PDE7B: variants seen among roughly 807,000 people sequenced by gnomAD.
PDE7B encodes the protein 3',5'-cyclic-AMP phosphodiesterase 7B.
PDE7B carries 29 observed loss-of-function variants against 56.2 expected under a neutral mutation model. The observed-to-expected ratio is 0.52, with a 90% CI of 0.38 to 0.70. The LOEUF (loss-of-function observed/expected upper bound fraction) is 0.70. Among genes scored for constraint, PDE7B ranks in the 30% least tolerant of loss-of-function variants. PDE7B has a pLI of 0.00. For synonymous variants in PDE7B, 197 were observed against 196.9 expected, an observed-to-expected ratio of 1.00 and a Z score of 0.00; for missense variants, 490 against 565.0, an observed-to-expected ratio of 0.87 and a Z score of 1.35.
At chr6:135,864,959 A>G (rs2128185345) in intron 1 of PDE7B, among the ~76,000 whole-genome samples, 1 of 113,062 alleles carries the variant, frequency 8.8e-6, no homozygotes, top group Middle Eastern at 6.8e-3. Context: ...ACCCCACAAC[A>G]GGCCCTGGTG....
Position 136,153,936 on chromosome 6 carries a change from G to A in PDE7B, c.479-139G>A, listed in dbSNP as rs917693681. The A allele has an allele frequency of 2.2e-4, 130 of 591,282 alleles. 1 individual carries two copies. In the East Asian group the frequency reaches 3.3e-3, roughly 15 times the overall value. 36.6% of individuals were successfully genotyped at this position (591,282 alleles called of 1,614,324 possible). A position where few individuals can be genotyped will look rare whatever the true frequency, so the allele number is the denominator to read the frequency against. On this transcript the variant is annotated intron_variant, in intron 6 of 12. Coordinates refer to ENST00000308191, the MANE Select transcript of PDE7B (RefSeq NM_018945.4). ...CAGAACTGCCAAGCTTGCAAACCAC[G>A]TTTATTTTTAAAGCATCTCTATGCT...
chr6:136,108,113 G>A (rs1185274938), intron 2 of PDE7B, among the ~76,000 whole-genome samples: 7 of 106,426 alleles, frequency 6.6e-5, no homozygotes, highest in Non-Finnish European at 1.1e-4. Context: ...GCAACAAAGC[G>A]AGACTCCATG....
chr6:136,172,858 A>G (rs1289296988), intron 8 of PDE7B, among the ~76,000 whole-genome samples: 2 of 152,160 alleles, frequency 1.3e-5, no homozygotes, highest in African/African-American at 2.4e-5. Context: ...ATACACCAAT[A>G]ACAGACAAAC....
chr6:136,110,137 C>G (rs1777717740), intron 3 of PDE7B, among the ~76,000 whole-genome samples: 2 of 152,076 alleles, frequency 1.3e-5, no homozygotes, highest in African/African-American at 4.8e-5. Flanking sequence ...CTTTCAGGGA[C>G]ACAGAGACTT....
intron 2 of PDE7B, among the ~76,000 whole-genome samples, chr6:136,047,070 A>G (rs1161893741): frequency 6.6e-6 from 1 of 152,204 alleles, no homozygotes; most frequent in Admixed American, 6.5e-5. Context: ...CACACTGGTT[A>G]AGTTACTATG....
At position 136,128,253 on chromosome 6, in the gene PDE7B, C is replaced by T. The variant is rs562629986; in HGVS notation, c.167-19098C>T. On this transcript the variant is annotated intron_variant, in intron 3 of 12. Coordinates refer to ENST00000308191, the MANE Select transcript of PDE7B (RefSeq NM_018945.4). ...ACCAGAGTGATGCTTTGACATCATT[C>T]CCCTTAACAGAAAGCTGACAATCAA... Among the ~76,000 whole-genome samples, 273 of 152,262 alleles carry T rather than the reference C, an allele frequency of 1.8e-3. 10 individuals are homozygous for T. The highest frequency in any genetic ancestry group is 1.3e-3 in the Admixed American group (20 of 15,296).
intron 12 of PDE7B, 65 bp from the exon 13 acceptor site, chr6:136,191,549 T>G (rs1779225038): frequency 7.4e-7 from 1 of 1,353,526 alleles, no homozygotes; most frequent in Non-Finnish European, 1.0e-6. Context: ...CCAGTCATGC[T>G]CGGGAGGGAG....
At chr6:136,147,547 A>G (rs776986259) in intron 4 of PDE7B, 45 bp downstream of exon 4, 6 of 1,565,964 alleles carry the variant, frequency 3.8e-6, no homozygotes, top group East Asian at 2.2e-5. Context: ...AGTGGCCAAG[A>G]GCATGTGCCT....
At chr6:135,965,849 A>C (rs1266259786) in intron 2 of PDE7B, among the ~76,000 whole-genome samples, 1 of 152,162 alleles carries the variant, frequency 6.6e-6, no homozygotes, top group Non-Finnish European at 1.5e-5. Context: ...AGGAGTCCTC[A>C]TGAGGACTGT....
At chr6:136,013,472 G>T (rs938940886) in intron 2 of PDE7B, among the ~76,000 whole-genome samples, 2 of 152,184 alleles carry the variant, frequency 1.3e-5, no homozygotes, top group East Asian at 1.9e-4. Context: ...AGGGATCTCC[G>T]CTCTCAAGTG....
intron 2 of PDE7B, among the ~76,000 whole-genome samples, chr6:136,000,767 C>A (rs1775652677): frequency 6.6e-6 from 1 of 152,220 alleles, no homozygotes; most frequent in African/African-American, 2.4e-5. Context: ...CCTCTGGGGG[C>A]AGGGCACAGA....
chr6:136,144,608 A>AT (rs768945836), intron 3 of PDE7B, among the ~76,000 whole-genome samples: 6 of 152,088 alleles, frequency 3.9e-5, no homozygotes, highest in South Asian at 4.1e-4. Flanking sequence ...CATTTATGAC[A>AT]TTTTTTCTGA....
intron 1 of PDE7B, among the ~76,000 whole-genome samples, chr6:135,900,284 G>C (rs758401558): frequency 1.3e-5 from 2 of 151,852 alleles, no homozygotes; most frequent in African/African-American, 4.8e-5. Context: ...CTTGGTCATT[G>C]CTCCTTAAAT....
chr6:136,041,214 C>T (rs1347264054), intron 2 of PDE7B, among the ~76,000 whole-genome samples: 4 of 152,090 alleles, frequency 2.6e-5, no homozygotes, highest in Non-Finnish European at 5.9e-5. Context: ...GTTTCTTTTC[C>T]TTAGCAAAGG....
chr6:135,891,063 A>G (rs1775802149), intron 1 of PDE7B, among the ~76,000 whole-genome samples: 1 of 152,222 alleles, frequency 6.6e-6, no homozygotes, highest in Non-Finnish European at 1.5e-5. Context: ...CGCATCTTAA[A>G]CATGCCTCAG....
At chr6:135,898,855 T>G (rs926313998) in intron 1 of PDE7B, among the ~76,000 whole-genome samples, 2 of 152,152 alleles carry the variant, frequency 1.3e-5, no homozygotes, top group African/African-American at 4.8e-5. Flanking sequence ...GTGGCAAATG[T>G]ATTAAACCTT....
At chr6:136,041,293 A>C (rs1485445031) in intron 2 of PDE7B, among the ~76,000 whole-genome samples, 1 of 152,202 alleles carries the variant, frequency 6.6e-6, no homozygotes, top group East Asian at 1.9e-4. Context: ...GAAGTAGAAA[A>C]ATGTTCTGAG....
chr6:136,028,953 T>C (rs1776194669), intron 2 of PDE7B, among the ~76,000 whole-genome samples: 1 of 152,180 alleles, frequency 6.6e-6, no homozygotes, highest in African/African-American at 2.4e-5. Flanking sequence ...TGTGCAACAA[T>C]ATGACTTCCA....
At chr6:136,041,097 C>A (rs533050558) in intron 2 of PDE7B, among the ~76,000 whole-genome samples, 13 of 152,196 alleles carry the variant, frequency 8.5e-5, no homozygotes, top group Admixed American at 8.5e-4. Context: ...TTTTTTTAAA[C>A]CATGAAATTG....
Sources: allele counts gnomAD v4.1 joint callset (sites outside exome capture counted in the v4.1 genomes callset), GRCh38; gene constraint gnomAD v4.1.1; transcripts MANE v1.5; gene names NCBI Gene and HGNC (gene_info 2026-07-23, HGNC 2026-07-21).